ANXA4: variants seen among roughly 807,000 people sequenced by gnomAD.
The protein encoded by ANXA4 is 35-beta calcimedin.
ANXA4 carries 39 observed loss-of-function variants against 49.8 expected under a neutral mutation model. The ratio of observed to expected loss-of-function variants is 0.78; its 90% CI spans 0.61 to 1.02. The LOEUF (loss-of-function observed/expected upper bound fraction) is 1.02. ANXA4 is among the 50% of genes least tolerant of loss of function. The pLI, the probability that ANXA4 is intolerant of heterozygous loss-of-function variation, is 0.00. For missense variants in ANXA4, 360 were observed against 410.1 expected (o/e 0.88, Z 1.05); for synonymous variants, 134 against 152.5 (o/e 0.88, Z 0.89).
At chr2:69,702,020 A>G (rs2105390796) in intron 2 of ANXA4, among the ~76,000 whole-genome samples, 1 of 151,838 alleles carries the variant, frequency 6.6e-6, no homozygotes, top group Middle Eastern at 3.4e-3. Flanking sequence ...TTTTATTTAT[A>G]TATATTTTTG....
intron 2 of ANXA4, among the ~76,000 whole-genome samples, chr2:69,694,121 A>G (rs923718249): frequency 6.6e-6 from 1 of 152,170 alleles, no homozygotes; most frequent in Middle Eastern, 3.2e-3. Context: ...CCCCTGCAAC[A>G]TTCATATTTA....
intron 2 of ANXA4, among the ~76,000 whole-genome samples, chr2:69,683,496 A>T (rs1677669217): frequency 6.6e-6 from 1 of 152,174 alleles, no homozygotes; most frequent in South Asian, 2.1e-4. Context: ...CCTTGTCATT[A>T]TCTTGTTTTG....
At chr2:69,790,231 A>T (rs1264862697) in intron 3 of ANXA4, among the ~76,000 whole-genome samples, 3 of 152,074 alleles carry the variant, frequency 2.0e-5, no homozygotes, top group Non-Finnish European at 4.4e-5. Context: ...GCCTCCTATA[A>T]CATATTTCCC....
At position 69,812,430 on chromosome 2, in the gene ANXA4, T is replaced by C. The variant is rs780306945; in HGVS notation, c.478-223T>C. On this transcript the variant is annotated intron_variant, in intron 7 of 12. Coordinates refer to ENST00000394295, the MANE Select transcript of ANXA4 (RefSeq NM_001153.5). ...CTCCTGCTATTGGCAGAGGCACTCA[T>C]GCAACGTTAGGGGCCACACTGAGGC... Among the ~76,000 whole-genome samples, 20 of 152,252 alleles carry C rather than the reference T, an allele frequency of 1.3e-4. No individual in the cohort carries two copies. The East Asian group carries it at 3.3e-3, about 25-fold the overall frequency.
intron 1 of ANXA4, among the ~76,000 whole-genome samples, chr2:69,647,919 A>G (rs1332700992): frequency 2.0e-5 from 3 of 152,154 alleles, no homozygotes; most frequent in African/African-American, 7.2e-5. Flanking sequence ...TATTTTATCA[A>G]AGAAAATACT....
chr2:69,812,599 C>G, intron 7 of ANXA4, 54 bp from the exon 8 acceptor site: 1 of 1,491,712 alleles, frequency 6.7e-7, no homozygotes, highest in Non-Finnish European at 9.3e-7. Context: ...ATGGTGTCCC[C>G]AGATCTTCAT....
In ANXA4 at chr2:69,816,081, T is replaced by C. The variant is rs763326822; in HGVS notation, c.535-20T>C. ...CACATCGTTTTTGGAATTTTAGACC[T>C]GTGCTTTGTTTGGCTTCAGGACCTG... On this transcript the variant is annotated intron_variant, in intron 8 of 12. Transcript: ENST00000394295. 6.2e-7 allele frequency: 1 copy of C among 1,605,544 alleles called. No individual in the cohort carries two copies. Among genetic ancestry groups the C allele is most frequent in the Admixed American group, 1.7e-5 (1 of 59,966 alleles).
chr2:69,750,412 G>A (rs941216009), intron 1 of ANXA4, among the ~76,000 whole-genome samples: 1 of 151,986 alleles, frequency 6.6e-6, no homozygotes, highest in Non-Finnish European at 1.5e-5. Flanking sequence ...TTTTGGTTTT[G>A]TTTTGTTTTT....
At chr2:69,768,862 G>A (rs753428703) in intron 1 of ANXA4, among the ~76,000 whole-genome samples, 29 of 152,192 alleles carry the variant, frequency 1.9e-4, no homozygotes, top group Middle Eastern at 3.4e-3. Context: ...GACCACTTGA[G>A]CCCAAGAGTT....
At chr2:69,731,685 T>C (rs969175672) in intron 3 of ANXA4, among the ~76,000 whole-genome samples, 2 of 152,076 alleles carry the variant, frequency 1.3e-5, no homozygotes, top group African/African-American at 4.8e-5. Flanking sequence ...AAAAAAGGCT[T>C]CCTTGTCAGC....
intron 1 of ANXA4, among the ~76,000 whole-genome samples, chr2:69,756,228 G>C (rs1671033731): frequency 6.6e-6 from 1 of 152,204 alleles, no homozygotes; most frequent in Non-Finnish European, 1.5e-5. Flanking sequence ...TACCAGCCCA[G>C]CTTTCTTTAA....
chr2:69,732,497 G>C (rs1459167161), intron 3 of ANXA4, among the ~76,000 whole-genome samples: 2 of 151,198 alleles, frequency 1.3e-5, no homozygotes, highest in Non-Finnish European at 2.9e-5. Context: ...GGTGGCTCAC[G>C]CCTGTAATCC....
chr2:69,765,298 C>A (rs750640796), intron 1 of ANXA4, among the ~76,000 whole-genome samples: 14 of 152,114 alleles, frequency 9.2e-5, no homozygotes, highest in African/African-American at 3.1e-4. Flanking sequence ...GTTGAGGAAC[C>A]ACCATACTGT....
intron 3 of ANXA4, among the ~76,000 whole-genome samples, chr2:69,724,346 C>T (rs1296918260): frequency 6.6e-6 from 1 of 152,158 alleles, no homozygotes; most frequent in Non-Finnish European, 1.5e-5. Context: ...GAGTTCCTGG[C>T]AGAAGCAGGG....
At chr2:69,698,540 G>A (rs1273128354) in intron 2 of ANXA4, among the ~76,000 whole-genome samples, 3 of 152,180 alleles carry the variant, frequency 2.0e-5, no homozygotes, top group Non-Finnish European at 4.4e-5. Context: ...GCCTAGGGCG[G>A]CAGAGAAGGA....
intron 1 of ANXA4, among the ~76,000 whole-genome samples, chr2:69,742,438 CA>C (rs1559131431): frequency 6.6e-6 from 1 of 152,252 alleles, no homozygotes; most frequent in African/African-American, 2.4e-5. Flanking sequence ...TTACACGGCT[CA>C]GGACGCGGGT....
chr2:69,658,339 G>T (rs1358393829), intron 2 of ANXA4, among the ~76,000 whole-genome samples: 1 of 150,266 alleles, frequency 6.7e-6, no homozygotes, highest in Admixed American at 6.7e-5. Context: ...GGCAGAGGCT[G>T]CAGTGAGCTG....
chr2:69,778,251 T>G (rs1028655481), intron 1 of ANXA4, among the ~76,000 whole-genome samples: 4 of 152,242 alleles, frequency 2.6e-5, no homozygotes, highest in Non-Finnish European at 4.4e-5. Flanking sequence ...TTATTCGTTC[T>G]AAAATTTGTT....
chr2:69,794,502 GTTATATTATGTTATGTTATA>G (rs70954361), intron 3 of ANXA4, among the ~76,000 whole-genome samples: 5,445 of 141,242 alleles, frequency 0.039, 144 homozygotes, highest in South Asian at 0.074. Flanking sequence ...GGTATGTTAT[GTTATATTATGTTATGTTATA>G]TTATGTTATG....
Sources: allele counts gnomAD v4.1 joint callset (sites outside exome capture counted in the v4.1 genomes callset), GRCh38; gene constraint gnomAD v4.1.1; transcripts MANE v1.5; gene names NCBI Gene and HGNC (gene_info 2026-07-23, HGNC 2026-07-21).